SMOC1: variants seen among roughly 807,000 people sequenced by gnomAD.
SMOC1 encodes the protein SPARC-related modular calcium-binding protein 1.
Under a neutral mutation model 56.3 loss-of-function variants are expected in SMOC1, and 22 were observed. The observed-to-expected ratio is 0.39, with a 90% CI of 0.28 to 0.56. The LOEUF is 0.56. Ranked by LOEUF, SMOC1 falls within the 20% of genes least tolerant of loss-of-function variation. The pLI, the probability that SMOC1 is intolerant of heterozygous loss-of-function variation, is 0.61. For synonymous variants in SMOC1, 193 were observed against 215.0 expected, an observed-to-expected ratio of 0.90 and a Z score of 0.89; for missense variants, 509 against 565.4, an observed-to-expected ratio of 0.90 and a Z score of 1.01.
At chr14:70,011,447 AGCCCC>A in intron 8 of SMOC1, 33 bp from the exon 9 acceptor site, 1 of 1,447,348 alleles carries the variant, frequency 6.9e-7, no homozygotes. Context: ...CTCAGTTGCC[AGCCCC>A]TCCCAACCCC....
rs561156267 is a variant in SMOC1 at position 69,975,921 on chromosome 14, AC to A, written c.478+109del. 2.6e-4 allele frequency: 198 copies of A among 770,966 alleles called. No homozygotes were observed. In the African/African-American group the frequency reaches 3.1e-3, roughly 12 times the overall value. 47.8% of individuals were successfully genotyped at this position (770,966 alleles called of 1,614,324 possible). On this transcript the variant is annotated intron_variant, in intron 4 of 11. Transcript: ENST00000361956. ...TTTAGAAGGTTGATGGTGGTGATGA[AC>A]CTTTTTCTAGATCAGGGAGGATTCT...
chr14:70,019,166 G>T (rs1163082888), intron 10 of SMOC1, among the ~76,000 whole-genome samples: 2 of 152,190 alleles, frequency 1.3e-5, no homozygotes. Flanking sequence ...CTGGGAGAAG[G>T]CTCCTTGGGG....
chr14:69,977,276 G>A (rs1367871597), intron 4 of SMOC1, among the ~76,000 whole-genome samples: 1 of 152,240 alleles, frequency 6.6e-6, no homozygotes, highest in Non-Finnish European at 1.5e-5. Flanking sequence ...GGTCAGGACT[G>A]GAGGAGGGGA....
intron 7 of SMOC1, 78 bp downstream of exon 7, chr14:69,994,558 T>C: frequency 8.7e-7 from 1 of 1,152,006 alleles, no homozygotes. Context: ...ACTTATTGTG[T>C]GGGTTTGGAA....
At chr14:70,020,572 C>A (rs770713590) in intron 10 of SMOC1, among the ~76,000 whole-genome samples, 1 of 152,118 alleles carries the variant, frequency 6.6e-6, no homozygotes, top group Non-Finnish European at 1.5e-5. Flanking sequence ...CCCAGAGGCA[C>A]TACCTGGAGG....
intron 3 of SMOC1, among the ~76,000 whole-genome samples, chr14:69,974,614 A>G (rs1883889466): frequency 6.6e-6 from 1 of 151,790 alleles, no homozygotes; most frequent in African/African-American, 2.4e-5. Context: ...GATTCTAAGC[A>G]GGGAAGTAGG....
chr14:70,011,462 C>T, intron 8 of SMOC1, 23 bp from the exon 9 acceptor site: 1 of 1,571,810 alleles, frequency 6.4e-7, no homozygotes. Flanking sequence ...CTCCCAACCC[C>T]CCCCATATCT....
intron 1 of SMOC1, among the ~76,000 whole-genome samples, chr14:69,943,091 G>A (rs1189968908): frequency 1.3e-5 from 2 of 152,192 alleles, no homozygotes; most frequent in South Asian, 4.1e-4. Flanking sequence ...GGGGGTGGTG[G>A]TGGGGTGATG....
At chr14:69,892,291 A>T (rs1331149160) in intron 1 of SMOC1, among the ~76,000 whole-genome samples, 2 of 152,238 alleles carry the variant, frequency 1.3e-5, no homozygotes, top group Non-Finnish European at 2.9e-5. Flanking sequence ...AAGTTTCTCT[A>T]GTATGTTCTG....
At chr14:69,980,311 C>T (rs1007129092) in intron 5 of SMOC1, among the ~76,000 whole-genome samples, 21 of 152,174 alleles carry the variant, frequency 1.4e-4, no homozygotes, top group African/African-American at 4.8e-4. Flanking sequence ...CCCTTGCCCT[C>T]GATGGGTCCC....
intron 1 of SMOC1, among the ~76,000 whole-genome samples, chr14:69,906,796 T>G (rs1884420899): frequency 6.6e-6 from 1 of 152,154 alleles, no homozygotes; most frequent in Non-Finnish European, 1.5e-5. Context: ...AATAGGAACA[T>G]CTTCAGTGCA....
intron 2 of SMOC1, among the ~76,000 whole-genome samples, chr14:69,953,152 T>G (rs1024980474): frequency 3.1e-5 from 4 of 127,966 alleles, no homozygotes; most frequent in African/African-American, 1.7e-4. Flanking sequence ...CTAAAACATT[T>G]TTTTTTCTAT....
intron 5 of SMOC1, among the ~76,000 whole-genome samples, chr14:69,986,346 C>A (rs527762912): frequency 6.6e-6 from 1 of 152,206 alleles, no homozygotes; most frequent in African/African-American, 2.4e-5. Context: ...TGGTGGTTAC[C>A]TGAGTCTACA....
chr14:69,926,047 A>AT (rs11432471), intron 1 of SMOC1, among the ~76,000 whole-genome samples: 78,615 of 147,092 alleles, frequency 0.53, 21,456 homozygotes, highest in East Asian at 0.96. Context: ...ATCAGAAGCC[A>AT]TTTTTTTTTT....
At chr14:70,014,896 T>C (rs1481283833) in intron 10 of SMOC1, among the ~76,000 whole-genome samples, 1 of 152,218 alleles carries the variant, frequency 6.6e-6, no homozygotes, top group Non-Finnish European at 1.5e-5. Flanking sequence ...TCAGTGGTGA[T>C]TGGCAGGACC....
At chr14:70,016,735 G>A (rs72727993) in intron 10 of SMOC1, among the ~76,000 whole-genome samples, 1 of 152,164 alleles carries the variant, frequency 6.6e-6, no homozygotes, top group Non-Finnish European at 1.5e-5. Context: ...CTCAGTTCTG[G>A]TTCCTCAAAC....
At chr14:69,963,148 T>C (rs74060658) in intron 3 of SMOC1, among the ~76,000 whole-genome samples, 3,031 of 152,228 alleles carry the variant, frequency 0.02, 90 homozygotes, top group African/African-American at 0.069. Flanking sequence ...TTATTTTTTC[T>C]TTGTAATTGG....
intron 1 of SMOC1, among the ~76,000 whole-genome samples, chr14:69,893,455 G>GAATCCCC (rs1884017056): frequency 6.6e-6 from 1 of 152,200 alleles, no homozygotes; most frequent in Admixed American, 6.5e-5. Flanking sequence ...CGATTGCAAA[G>GAATCCCC]CTCTGAGGGG....
intron 1 of SMOC1, among the ~76,000 whole-genome samples, chr14:69,884,608 G>A (rs561043051): frequency 2.6e-5 from 4 of 152,124 alleles, no homozygotes; most frequent in African/African-American, 9.7e-5. Flanking sequence ...GTCAATTTTT[G>A]TATATGGTGA....
Sources: allele counts gnomAD v4.1 joint callset (sites outside exome capture counted in the v4.1 genomes callset), GRCh38; gene constraint gnomAD v4.1.1; transcripts MANE v1.5; gene names NCBI Gene and HGNC (gene_info 2026-07-23, HGNC 2026-07-21).